The following MSI2 variants were observed in gnomAD, a reference collection of about 807,000 sequenced individuals.
MSI2 encodes RNA-binding protein Musashi homolog 2.
In MSI2, 17 loss-of-function variants were observed where a neutral mutation model predicts 45.6. The ratio of observed to expected loss-of-function variants is 0.37; its 90% CI spans 0.26 to 0.56. MSI2 has a LOEUF of 0.56. Among genes scored for constraint, MSI2 ranks in the 20% least tolerant of loss-of-function variants. MSI2 has a pLI of 0.77. For missense variants in MSI2, 293 were observed against 444.2 expected, an observed-to-expected ratio of 0.66 and a Z score of 3.06; for synonymous variants, 156 against 158.2, an observed-to-expected ratio of 0.99 and a Z score of 0.11.
At chr17:57,340,506 G>A (rs1248771470) in intron 5 of MSI2, among the ~76,000 whole-genome samples, 1 of 152,188 alleles carries the variant, frequency 6.6e-6, no homozygotes, top group Admixed American at 6.5e-5. Flanking sequence ...AAAGGGTGGG[G>A]CATGAGAAAT....
intron 5 of MSI2, among the ~76,000 whole-genome samples, chr17:57,368,523 C>G (rs1417766544): frequency 1.3e-5 from 2 of 152,038 alleles, no homozygotes; most frequent in Admixed American, 1.3e-4. Flanking sequence ...CCACTGTGCT[C>G]CCACCTGGGT....
At chr17:57,477,971 C>T (rs1247491704) in intron 6 of MSI2, among the ~76,000 whole-genome samples, 2 of 152,218 alleles carry the variant, frequency 1.3e-5, no homozygotes, top group Admixed American at 1.3e-4. Context: ...GCTATTCTCT[C>T]TTCTCCCCAC....
rs1161047487 is a variant in MSI2, at chr17:57,457,160, C to CT, written c.405+55690dup. 3.9e-5 allele frequency among the ~76,000 whole-genome samples: 6 copies of CT among 152,316 alleles called. 1 individual carries two copies. Among genetic ancestry groups the CT allele is most frequent in the Admixed American group, 1.3e-4 (2 of 15,302 alleles). The stretch of plus-strand genomic sequence containing the variant: ...AGAGGTGGAGATGTTAGAGAACACT[C>CT]TAATAACTCCTATCACTTCACAGCT... On this transcript the variant is annotated intron_variant, in intron 6 of 13. Coordinates refer to ENST00000284073, the MANE Select transcript of MSI2 (RefSeq NM_138962.4).
At chr17:57,571,503 G>T (rs150940844) in intron 7 of MSI2, among the ~76,000 whole-genome samples, 1 of 152,120 alleles carries the variant, frequency 6.6e-6, no homozygotes, top group African/African-American at 2.4e-5. Flanking sequence ...TTTACCTCAC[G>T]TACCTCTGGA....
chr17:57,446,598 A>G (rs1019407150), intron 6 of MSI2, among the ~76,000 whole-genome samples: 12 of 152,218 alleles, frequency 7.9e-5, no homozygotes, highest in African/African-American at 2.9e-4. Flanking sequence ...CTTGAGGGAC[A>G]CCAGTTGGAG....
intron 6 of MSI2, among the ~76,000 whole-genome samples, chr17:57,427,613 C>T (rs2084518568): frequency 6.6e-6 from 1 of 152,108 alleles, no homozygotes; most frequent in South Asian, 2.1e-4. Context: ...AAGTGTCAGA[C>T]ACACTTTACA....
At chr17:57,268,858 CA>C (rs1908088173) in intron 5 of MSI2, among the ~76,000 whole-genome samples, 1 of 151,742 alleles carries the variant, frequency 6.6e-6, no homozygotes, top group African/African-American at 2.4e-5. Context: ...AACAAACAAA[CA>C]AAAAACACCC....
intron 6 of MSI2, among the ~76,000 whole-genome samples, chr17:57,509,336 G>A (rs1388892015): frequency 6.6e-6 from 1 of 152,176 alleles, no homozygotes; most frequent in Admixed American, 6.5e-5. Context: ...TATCCAGGGA[G>A]AATTTGTGTG....
chr17:57,293,507 T>C (rs1478573107), intron 5 of MSI2, among the ~76,000 whole-genome samples: 1 of 152,150 alleles, frequency 6.6e-6, no homozygotes, highest in African/African-American at 2.4e-5. Flanking sequence ...TTTGCAGAAT[T>C]AGAAAAGGCT....
chr17:57,539,039 G>A (rs1444622687), intron 7 of MSI2, among the ~76,000 whole-genome samples: 9 of 152,284 alleles, frequency 5.9e-5, no homozygotes, highest in East Asian at 1.9e-4. Flanking sequence ...TTATGCACAC[G>A]TGCATATCAT....
At chr17:57,362,157 T>C (rs1916856687) in intron 5 of MSI2, among the ~76,000 whole-genome samples, 1 of 152,200 alleles carries the variant, frequency 6.6e-6, no homozygotes, top group Non-Finnish European at 1.5e-5. Flanking sequence ...GTGGGCAGTA[T>C]CTTTGTAAAC....
At chr17:57,625,869 G>A (rs1454579512) in intron 9 of MSI2, 1 of 152,248 alleles carries the variant, frequency 6.6e-6, no homozygotes, top group East Asian at 1.9e-4. Context: ...CTAGCCAAGG[G>A]GACAACTCAG....
chr17:57,306,932 A>G (rs537265429), intron 5 of MSI2, among the ~76,000 whole-genome samples: 2 of 152,282 alleles, frequency 1.3e-5, no homozygotes, highest in African/African-American at 4.8e-5. Context: ...GTGATGGGCT[A>G]AGTAATTATT....
intron 7 of MSI2, among the ~76,000 whole-genome samples, chr17:57,546,336 G>T (rs1205181041): frequency 1.3e-5 from 2 of 152,208 alleles, no homozygotes; most frequent in Admixed American, 1.3e-4. Flanking sequence ...TAATTGATTG[G>T]TTGGAGGGTG....
At chr17:57,657,738 C>T (rs998111475) in intron 11 of MSI2, among the ~76,000 whole-genome samples, 21 of 152,138 alleles carry the variant, frequency 1.4e-4, no homozygotes, top group African/African-American at 4.8e-4. Context: ...GGCTGGGGGA[C>T]ATGAAAGATA....
chr17:57,496,379 C>T (rs528618137), intron 6 of MSI2, among the ~76,000 whole-genome samples: 1 of 152,358 alleles, frequency 6.6e-6, no homozygotes, highest in African/African-American at 2.4e-5. Flanking sequence ...ATCCCCCTCT[C>T]CCCACTTAGG....
At chr17:57,316,634 C>T (rs1912874726) in intron 5 of MSI2, among the ~76,000 whole-genome samples, 2 of 152,190 alleles carry the variant, frequency 1.3e-5, no homozygotes, top group Admixed American at 6.5e-5. Context: ...TCCATTCCTA[C>T]TTTTGAGTTT....
chr17:57,654,915 GT>G (rs11319236), intron 11 of MSI2, among the ~76,000 whole-genome samples: 45,193 of 135,162 alleles, frequency 0.33, 7,030 homozygotes, highest in East Asian at 0.41. Context: ...CAACGTTTGG[GT>G]TTTTTTTTTT....
chr17:57,578,174 G>A (rs2088101702), intron 7 of MSI2, among the ~76,000 whole-genome samples: 1 of 151,820 alleles, frequency 6.6e-6, no homozygotes, highest in Non-Finnish European at 1.5e-5. Flanking sequence ...AAAGCTTTAA[G>A]AATCTATAAA....
Sources: gnomAD v4.1 joint callset for allele counts (sites outside exome capture counted in the v4.1 genomes callset) on GRCh38, gnomAD v4.1.1 for gene constraint, MANE v1.5 for transcripts, NCBI Gene and HGNC (gene_info 2026-07-23, HGNC 2026-07-21) for gene names.